Variants in ERCC6L observed in about 807,000 individuals in gnomAD.
The protein encoded by ERCC6L is ERCC excision repair 6 like, spindle assembly checkpoint helicase.
In ERCC6L, 7 loss-of-function variants were observed where a neutral mutation model predicts 20.1. That is an observed-to-expected ratio of 0.35 (90% CI 0.20 to 0.65). The LOEUF (loss-of-function observed/expected upper bound fraction) is 0.65, where lower values mean the gene tolerates loss of function less well. Ranked by LOEUF, ERCC6L falls within the 30% of genes least tolerant of loss-of-function variation. The pLI, the probability that ERCC6L is intolerant of heterozygous loss-of-function variation, is 0.69. For synonymous variants in ERCC6L, 278 were observed against 331.3 expected, an observed-to-expected ratio of 0.84 and a Z score of 1.75; for missense variants, 592 against 892.4, an observed-to-expected ratio of 0.66 and a Z score of 4.29.
At chrX:72,230,011 T>TA (rs2042974516) in intron 1 of ERCC6L, among the ~76,000 whole-genome samples, 1 of 109,102 alleles carries the variant, frequency 9.2e-6, no homozygotes, top group Non-Finnish European at 1.9e-5. Context: ...CCATCTCTAC[T>TA]AAAAATACAA....
intron 1 of ERCC6L, among the ~76,000 whole-genome samples, chrX:72,215,872 T>C (rs940806045): frequency 2.5e-4 from 28 of 110,804 alleles, no homozygotes; most frequent in African/African-American, 8.9e-4. Flanking sequence ...TTCTCCTAGA[T>C]TTCTTCTACC....
At chrX:72,209,797 C>T (rs1307249522) in intron 1 of ERCC6L, among the ~76,000 whole-genome samples, 1 of 111,549 alleles carries the variant, frequency 9.0e-6, no homozygotes. Context: ...GCTTAAAATT[C>T]TTCAGTGGTT....
At chrX:72,223,496 T>C (rs1419895412) in intron 1 of ERCC6L, among the ~76,000 whole-genome samples, 2 of 106,462 alleles carry the variant, frequency 1.9e-5, no homozygotes, top group Admixed American at 1.0e-4. Flanking sequence ...TTCAAGCGAT[T>C]CTCCTGCCTC....
intron 1 of ERCC6L, among the ~76,000 whole-genome samples, chrX:72,233,699 A>T (rs1192847287): frequency 1.1e-5 from 1 of 92,544 alleles, no homozygotes; most frequent in Non-Finnish European, 2.0e-5. Flanking sequence ...TCCAGCCCGG[A>T]TGACACTGCA....
Position 72,232,563 on chromosome X carries a change from C to G in ERCC6L, c.68+6281G>C, listed in dbSNP as rs766235320. ...GTGGCTCACGCCTGTAATCCCAGCA[C>G]TTGGGGAGGCCAAGGCAGGCAGATC... On this transcript the variant is annotated intron_variant, in intron 1 of 1. Transcript: ENST00000334463. 7.1e-5 allele frequency among the ~76,000 whole-genome samples: 8 copies of G among 112,374 alleles called. No homozygotes were observed. In the South Asian group the frequency reaches 2.9e-3, roughly 41 times the overall value.
At chrX:72,219,378 A>G (rs1191565224) in intron 1 of ERCC6L, among the ~76,000 whole-genome samples, 1 of 101,313 alleles carries the variant, frequency 9.9e-6, no homozygotes, top group Middle Eastern at 6.4e-3. Context: ...ACATGGTGAA[A>G]CCCCATCTCT....
rs2042819717 is a variant in ERCC6L at position 72,206,332 on chromosome X, G to C, written c.2435C>G (p.Ala812Gly). 8.3e-7 allele frequency: 1 copy of C among 1,209,893 alleles called. No homozygotes were observed. Among genetic ancestry groups the C allele is most frequent in the Admixed American group, 2.2e-5 (1 of 45,895 alleles). ...GKGTGSADSI[A>G]TLPKGFGSVE... ...ACTTCCAAACCCCTTTGGTAAAGTAGCTATAGAGTCAGCACTACCTGTACC... is the reference window on the plus strand; with the variant it reads ...ACTTCCAAACCCCTTTGGTAAAGTACCTATAGAGTCAGCACTACCTGTACC... The change falls in exon 2 of 2, where the codon GCT becomes GGT. Residue 812 changes from alanine (A) to glycine (G), a missense_variant. Ala to Gly is a moderately conservative substitution (Grantham distance 60, BLOSUM62 0). Around this residue, in one of 3 missense-constraint regions of ERCC6L, gnomAD observed 352 missense variants for 402.6 expected, o/e 0.87. Coordinates refer to ENST00000334463, the MANE Select transcript of ERCC6L (RefSeq NM_017669.4).
At chrX:72,212,754 A>G (rs1232174504) in intron 1 of ERCC6L, among the ~76,000 whole-genome samples, 5 of 111,934 alleles carry the variant, frequency 4.5e-5, no homozygotes, top group Non-Finnish European at 1.9e-5. Flanking sequence ...TAGCCTGGGC[A>G]ACATAGTGAA....
chrX:72,205,347 C>T lies in ERCC6L; in HGVS notation c.3420G>A (p.Lys1140=). Residue 1140 remains lysine (K), a synonymous_variant, in exon 2 of 2, where the codon AAG becomes AAA. Coordinates refer to ENST00000334463, the MANE Select transcript of ERCC6L (RefSeq NM_017669.4). The part of the protein sequence containing the change: ...GVEESSGEAS[K]YTEEDPSGET... ...CTCCGGAAGGATCCTCTTCTGTATA[C>T]TTGGAGGCTTCGCCACTGCTTTCCT... The T allele has an allele frequency of 6.6e-6, 8 of 1,212,024 alleles. No individual in the cohort carries two copies. Among genetic ancestry groups the T allele is most frequent in the Non-Finnish European group, 7.8e-6 (7 of 895,541 alleles).
rs142555019 is a variant in ERCC6L, at chrX:72,228,855, C to T, written c.68+9989G>A. 3.6e-3 allele frequency among the ~76,000 whole-genome samples: 401 copies of T among 111,320 alleles called. 2 individuals are homozygous for T. The highest frequency in any genetic ancestry group is 0.013 in the African/African-American group (383 of 30,592). ...AAACCTTACACAATCCCTCTTGCTG[C>T]GAACTAACTCTTCCTTTGCTCCTGA... On this transcript the variant is annotated intron_variant, in intron 1 of 1. Transcript: ENST00000334463.
At chrX:72,236,177 G>T (rs1238083226) in intron 1 of ERCC6L, among the ~76,000 whole-genome samples, 3 of 112,193 alleles carry the variant, frequency 2.7e-5, no homozygotes, top group East Asian at 5.6e-4. Context: ...GATTCTGCTG[G>T]GCATGGTGGC....
Sources: gnomAD v4.1 joint callset for allele counts (sites outside exome capture counted in the v4.1 genomes callset) on GRCh38, gnomAD v4.1.1 for gene constraint, gnomAD v4.1.1 regional missense constraint, MANE v1.5 for transcripts, NCBI Gene and HGNC (gene_info 2026-07-23, HGNC 2026-07-21) for gene names.